RALYL: variants seen among roughly 807,000 people sequenced by gnomAD.
The protein encoded by RALYL is RALY RNA binding protein like.
A neutral mutation model predicts 35.1 loss-of-function variants in RALYL; 29 were observed. That is an observed-to-expected ratio of 0.83 (90% CI 0.61 to 1.13). RALYL has a LOEUF of 1.13. Among genes scored for constraint, RALYL ranks in the 50% most tolerant of loss-of-function variants. The pLI is 0.00. For missense variants in RALYL, 359 were observed against 360.4 expected (o/e 1.00, Z 0.03); for synonymous variants, 120 against 127.6 (o/e 0.94, Z 0.40).
chr8:84,717,323 A>G (rs915604718), intron 2 of RALYL, among the ~76,000 whole-genome samples: 2 of 152,176 alleles, frequency 1.3e-5, no homozygotes, highest in Non-Finnish European at 2.9e-5. Context: ...TAAAGATGCT[A>G]TATTTTTTGT....
intron 2 of RALYL, among the ~76,000 whole-genome samples, chr8:84,549,676 GC>G (rs2060589013): frequency 6.6e-6 from 1 of 152,144 alleles, no homozygotes; most frequent in African/African-American, 2.4e-5. Context: ...TGAGAGTATG[GC>G]AGGCCGGGGA....
At chr8:84,837,810 GA>G (rs1832326593) in intron 4 of RALYL, among the ~76,000 whole-genome samples, 1 of 152,118 alleles carries the variant, frequency 6.6e-6, no homozygotes. Flanking sequence ...TAAACAATAT[GA>G]AATATTTGTT....
chr8:84,881,499 GTTATA>G (rs1036658620), intron 7 of RALYL, among the ~76,000 whole-genome samples: 2 of 151,914 alleles, frequency 1.3e-5, no homozygotes, highest in Non-Finnish European at 2.9e-5. Flanking sequence ...AATTTTCATA[GTTATA>G]TTAATGATAA....
At chr8:84,691,453 T>C (rs1468429768) in intron 2 of RALYL, among the ~76,000 whole-genome samples, 1 of 152,092 alleles carries the variant, frequency 6.6e-6, no homozygotes, top group Non-Finnish European at 1.5e-5. Flanking sequence ...TAGTTTATTT[T>C]CATCATTAAG....
intron 2 of RALYL, among the ~76,000 whole-genome samples, chr8:84,610,696 TAA>T (rs1303770141): frequency 6.6e-6 from 1 of 152,164 alleles, no homozygotes. Flanking sequence ...CCCGCATTTA[TAA>T]GTTTATTAAA....
intron 2 of RALYL, among the ~76,000 whole-genome samples, chr8:84,651,446 G>T (rs1349281239): frequency 6.6e-6 from 1 of 151,838 alleles, no homozygotes; most frequent in Non-Finnish European, 1.5e-5. Flanking sequence ...TCCTAATTAT[G>T]AGACAAATAG....
chr8:84,778,193 A>G (rs891748588), intron 3 of RALYL, among the ~76,000 whole-genome samples: 1 of 152,184 alleles, frequency 6.6e-6, no homozygotes, highest in African/African-American at 2.4e-5. Flanking sequence ...CTATGTCTCT[A>G]TAACTATTCT....
intron 2 of RALYL, among the ~76,000 whole-genome samples, chr8:84,659,576 T>A (rs754692162): frequency 2.6e-5 from 4 of 151,894 alleles, no homozygotes; most frequent in Admixed American, 2.0e-4. Context: ...GCTTAAGATA[T>A]CAGAAGAACT....
intron 2 of RALYL, among the ~76,000 whole-genome samples, chr8:84,623,212 A>G (rs1349988154): frequency 6.6e-6 from 1 of 152,150 alleles, no homozygotes; most frequent in Non-Finnish European, 1.5e-5. Flanking sequence ...GTATTGTTTA[A>G]ATGTTCAGTG....
At chr8:84,589,149 C>T (rs761799185) in intron 2 of RALYL, among the ~76,000 whole-genome samples, 5 of 152,206 alleles carry the variant, frequency 3.3e-5, no homozygotes, top group Admixed American at 6.5e-5. Flanking sequence ...CCGCCCGCCT[C>T]GGCCTCCCAA....
intron 2 of RALYL, among the ~76,000 whole-genome samples, chr8:84,731,153 T>A (rs929911171): frequency 2.6e-5 from 4 of 152,164 alleles, no homozygotes; most frequent in Non-Finnish European, 4.4e-5. Context: ...ATACTATTAC[T>A]ATCTCTAATC....
chr8:84,400,948 C>T lies in RALYL; in HGVS notation c.-23-128351C>T, dbSNP rs201954631. Among the ~76,000 whole-genome samples, 4 of 152,266 alleles carry T rather than the reference C, an allele frequency of 2.6e-5. No homozygotes were observed. In the East Asian group the frequency reaches 5.8e-4, roughly 22 times the overall value. ...TTGGCGTGTTTAATTGGTATTCCTTCTCAAAATGTCCAATGACTCATCAAC... is the reference window on the plus strand; with the variant it reads ...TTGGCGTGTTTAATTGGTATTCCTTTTCAAAATGTCCAATGACTCATCAAC... On this transcript the variant is annotated intron_variant, in intron 1 of 8. Coordinates refer to ENST00000521268, the MANE Select transcript of RALYL (RefSeq NM_173848.7).
At chr8:84,269,958 G>T (rs1309745605) in intron 1 of RALYL, among the ~76,000 whole-genome samples, 1 of 151,986 alleles carries the variant, frequency 6.6e-6, no homozygotes, top group Non-Finnish European at 1.5e-5. Flanking sequence ...TTAGGGTAAA[G>T]AACTAGTTTC....
chr8:84,388,733 T>C (rs1439055062), intron 1 of RALYL, among the ~76,000 whole-genome samples: 1 of 152,164 alleles, frequency 6.6e-6, no homozygotes, highest in Non-Finnish European at 1.5e-5. Flanking sequence ...TTGTAGATTC[T>C]GGATATTAGC....
intron 1 of RALYL, among the ~76,000 whole-genome samples, chr8:84,489,501 A>C (rs560558692): frequency 6.6e-6 from 1 of 152,212 alleles, no homozygotes; most frequent in East Asian, 1.9e-4. Flanking sequence ...ACTGTTGCAA[A>C]GTTCTTGGGA....
At chr8:84,626,742 AG>A (rs1019697721) in intron 2 of RALYL, among the ~76,000 whole-genome samples, 1 of 152,208 alleles carries the variant, frequency 6.6e-6, no homozygotes, top group African/African-American at 2.4e-5. Flanking sequence ...ATTCATTTAA[AG>A]CAGGTGATTG....
At chr8:84,318,241 G>C (rs1208126987) in intron 1 of RALYL, among the ~76,000 whole-genome samples, 1 of 152,178 alleles carries the variant, frequency 6.6e-6, no homozygotes, top group Admixed American at 6.5e-5. Flanking sequence ...TGCCTGTGAG[G>C]CTGGGCCCTG....
At chr8:84,770,780 G>T (rs1321317837) in intron 2 of RALYL, among the ~76,000 whole-genome samples, 3 of 152,068 alleles carry the variant, frequency 2.0e-5, no homozygotes, top group Non-Finnish European at 4.4e-5. Flanking sequence ...GTTTTGATTT[G>T]CATTTCCCTG....
At chr8:84,648,360 G>A (rs1235161374) in intron 2 of RALYL, among the ~76,000 whole-genome samples, 1 of 152,058 alleles carries the variant, frequency 6.6e-6, no homozygotes, top group Admixed American at 6.6e-5. Context: ...CAAAAAATGA[G>A]GAAGAAAAGT....
Sources: allele counts gnomAD v4.1 joint callset (sites outside exome capture counted in the v4.1 genomes callset), GRCh38; gene constraint gnomAD v4.1.1; transcripts MANE v1.5; gene names NCBI Gene and HGNC (gene_info 2026-07-23, HGNC 2026-07-21).